The following DAB1 variants were observed in gnomAD, a reference collection of about 807,000 sequenced individuals.
The protein encoded by DAB1 is DAB adaptor protein 1.
A neutral mutation model predicts 64.6 loss-of-function variants in DAB1; 15 were observed. The observed-to-expected ratio is 0.23, with a 90% confidence interval of 0.16 to 0.36. The LOEUF (loss-of-function observed/expected upper bound fraction) is 0.36. Among genes scored for constraint, DAB1 ranks in the 10% least tolerant of loss-of-function variants. The pLI, the probability that DAB1 is intolerant of heterozygous loss-of-function variation, is 1.00. For missense variants in DAB1, 596 were observed against 706.7 expected, an observed-to-expected ratio of 0.84 and a Z score of 1.78; for synonymous variants, 235 against 251.9, an observed-to-expected ratio of 0.93 and a Z score of 0.64.
intron 2 of DAB1, among the ~76,000 whole-genome samples, chr1:58,524,692 A>G (rs1406692650): frequency 1.3e-5 from 2 of 152,214 alleles, no homozygotes; most frequent in South Asian, 2.1e-4. Context: ...CTCAATCTAC[A>G]GTATATATCA....
chr1:58,398,652 T>A (rs1644543637), intron 3 of DAB1, among the ~76,000 whole-genome samples: 1 of 152,224 alleles, frequency 6.6e-6, no homozygotes, highest in Non-Finnish European at 1.5e-5. Flanking sequence ...AACTGCAATT[T>A]TGCAGGAGTA....
chr1:57,530,879 CAA>C (rs1282460627), intron 7 of DAB1, among the ~76,000 whole-genome samples: 3 of 152,130 alleles, frequency 2.0e-5, no homozygotes, highest in African/African-American at 7.2e-5. Flanking sequence ...CAGGAAACAA[CAA>C]AGACAGGGAC....
At chr1:57,455,527 C>T (rs1416373261) in intron 7 of DAB1, among the ~76,000 whole-genome samples, 1 of 151,950 alleles carries the variant, frequency 6.6e-6, no homozygotes, top group Non-Finnish European at 1.5e-5. Flanking sequence ...TAGTAAGATC[C>T]CTAAAACCAC....
chr1:58,277,202 G>C (rs1661470691), intron 4 of DAB1, among the ~76,000 whole-genome samples: 1 of 151,916 alleles, frequency 6.6e-6, no homozygotes, highest in Non-Finnish European at 1.5e-5. Context: ...ACCACACCCA[G>C]CTAATTTTTG....
At chr1:57,208,241 G>A (rs1220805986) in intron 2 of DAB1, among the ~76,000 whole-genome samples, 3 of 150,066 alleles carry the variant, frequency 2.0e-5, no homozygotes, top group Non-Finnish European at 4.4e-5. Flanking sequence ...ATTTCTAAGA[G>A]TCATATGTCA....
intron 4 of DAB1, among the ~76,000 whole-genome samples, chr1:58,227,689 G>C (rs1659563816): frequency 6.6e-6 from 1 of 152,162 alleles, no homozygotes; most frequent in African/African-American, 2.4e-5. Context: ...AGGCCTCCAG[G>C]AAGGCAGGGA....
intron 2 of DAB1, among the ~76,000 whole-genome samples, chr1:57,211,196 A>C (rs1337191151): frequency 6.6e-6 from 1 of 152,194 alleles, no homozygotes; most frequent in Non-Finnish European, 1.5e-5. Flanking sequence ...AAGATCAGAA[A>C]AGTCAATGAA....
chr1:57,917,444 A>T (rs1361466393), intron 5 of DAB1, among the ~76,000 whole-genome samples: 1 of 152,210 alleles, frequency 6.6e-6, no homozygotes, highest in Admixed American at 6.5e-5. Context: ...TATCATTGTA[A>T]TGAAGGTTAG....
chr1:57,640,129 T>C (rs952358738), intron 7 of DAB1, among the ~76,000 whole-genome samples: 1 of 152,182 alleles, frequency 6.6e-6, no homozygotes, highest in Non-Finnish European at 1.5e-5. Context: ...ACAGGTTTGC[T>C]CTCTGTGTCA....
chr1:57,068,235 CT>C lies in DAB1; in HGVS notation c.663+1124del, dbSNP rs1651114607. Among the ~76,000 whole-genome samples the C allele has an allele frequency of 2.6e-5, 4 of 152,114 alleles. No homozygotes were observed. In the South Asian group the frequency reaches 8.3e-4, roughly 31 times the overall value. ...TTCAGATACTGTAAGGTTGTATATA[CT>C]TTAAAATCTGACACTCAGGACAAAC... On this transcript the variant is annotated intron_variant, in intron 8 of 14. Transcript: ENST00000371236.
chr1:58,259,919 T>G (rs575848034), intron 4 of DAB1, among the ~76,000 whole-genome samples: 101 of 152,356 alleles, frequency 6.6e-4, no homozygotes, highest in African/African-American at 2.4e-3. Flanking sequence ...TTGCTTTAAG[T>G]GCCTTATACA....
intron 5 of DAB1, among the ~76,000 whole-genome samples, chr1:58,018,380 T>C (rs1231108254): frequency 6.6e-6 from 1 of 152,170 alleles, no homozygotes; most frequent in Non-Finnish European, 1.5e-5. Context: ...TTTCAAACCT[T>C]GGGCCTGGTT....
At chr1:57,100,137 G>A (rs780097858) in intron 4 of DAB1, among the ~76,000 whole-genome samples, 31 of 152,172 alleles carry the variant, frequency 2.0e-4, no homozygotes, top group South Asian at 6.2e-4. Flanking sequence ...TCTTGGGCAG[G>A]TTGCTTAACC....
chr1:58,485,176 T>C (rs1220090044), intron 3 of DAB1, among the ~76,000 whole-genome samples: 1 of 130,950 alleles, frequency 7.6e-6, no homozygotes, highest in Admixed American at 8.6e-5. Context: ...CTATACCTTC[T>C]ACTCAATTAA....
At chr1:57,746,088 A>T (rs1278773828) in intron 6 of DAB1, among the ~76,000 whole-genome samples, 9 of 152,148 alleles carry the variant, frequency 5.9e-5, no homozygotes, top group Non-Finnish European at 1.0e-4. Flanking sequence ...TCCCCAATTG[A>T]TGAACATACA....
At position 57,261,726 on chromosome 1, in the gene DAB1, G is replaced by A. The variant is rs141486515; in HGVS notation, c.67+29238C>T. 3.7e-3 allele frequency among the ~76,000 whole-genome samples: 563 copies of A among 152,280 alleles called. 5 individuals carry two copies. Among genetic ancestry groups the A allele is most frequent in the South Asian group, 5.6e-3 (27 of 4,816 alleles). On this transcript the variant is annotated intron_variant, in intron 2 of 14. Transcript: ENST00000371236. ...CAGACAGACCACATGCTAGCAGAGT[G>A]ACTTTGGACAAGTCACTTTCACCTG...
At chr1:57,965,394 A>G in intron 5 of DAB1, among the ~76,000 whole-genome samples, 1 of 152,296 alleles carries the variant, frequency 6.6e-6, no homozygotes, top group Admixed American at 6.5e-5. Context: ...TCATAGGGGT[A>G]TCACTTTGGG....
chr1:57,488,944 A>G (rs1644127688), intron 7 of DAB1, among the ~76,000 whole-genome samples: 1 of 152,220 alleles, frequency 6.6e-6, no homozygotes, highest in Admixed American at 6.5e-5. Context: ...TTATTACTCT[A>G]CTACTATTAA....
chr1:57,204,900 C>T (rs1268385555), intron 2 of DAB1, among the ~76,000 whole-genome samples: 1 of 152,186 alleles, frequency 6.6e-6, no homozygotes, highest in Middle Eastern at 3.2e-3. Context: ...CAACCTCCAC[C>T]TCCATTGAAA....
Sources: gnomAD v4.1 joint callset for allele counts (sites outside exome capture counted in the v4.1 genomes callset) on GRCh38, gnomAD v4.1.1 for gene constraint, MANE v1.5 for transcripts, NCBI Gene and HGNC (gene_info 2026-07-23, HGNC 2026-07-21) for gene names.